The following ASB4 variants were observed in gnomAD, a reference collection of about 807,000 sequenced individuals.
The protein encoded by ASB4 is ankyrin repeat and SOCS box protein 4.
In ASB4, 35 loss-of-function variants were observed where a neutral mutation model predicts 38.6. That is an observed-to-expected ratio of 0.91 (90% confidence interval 0.69 to 1.20). The LOEUF is 1.20. Among genes scored for constraint, ASB4 ranks in the 50% most tolerant of loss-of-function variants. The pLI is 0.00. For missense variants in ASB4, 557 were observed against 527.2 expected, an observed-to-expected ratio of 1.06 and a Z score of -0.55; for synonymous variants, 195 against 201.3, an observed-to-expected ratio of 0.97 and a Z score of 0.26.
upstream of ASB4, among the ~76,000 whole-genome samples, chr7:95,484,072 A>C (rs1167410571): frequency 6.6e-6 from 1 of 151,622 alleles, no homozygotes; most frequent in East Asian, 1.9e-4. Flanking sequence ...TCATGGCTGT[A>C]ATCCCAGCGC....
upstream of ASB4, among the ~76,000 whole-genome samples, chr7:95,477,556 A>G (rs1244007384): frequency 6.6e-6 from 1 of 152,190 alleles, no homozygotes; most frequent in East Asian, 1.9e-4. Flanking sequence ...ATGCAAAACT[A>G]TAGAAAACTA....
chr7:95,500,158 G>C (rs370098195), intron 2 of ASB4, among the ~76,000 whole-genome samples: 2 of 152,222 alleles, frequency 1.3e-5, no homozygotes, highest in African/African-American at 4.8e-5. Flanking sequence ...AATGAGAGGA[G>C]AGCAGAAAGC....
chr7:95,472,159 A>G, the ASB4 span: 1 of 151,994 alleles, frequency 6.6e-6, no homozygotes, highest in Non-Finnish European at 1.5e-5. Flanking sequence ...TTATCTACCA[A>G]TGTGTGGGTG....
At chr7:95,534,199 G>A (rs1435297273) in intron 3 of ASB4, among the ~76,000 whole-genome samples, 1 of 152,100 alleles carries the variant, frequency 6.6e-6, no homozygotes, top group East Asian at 1.9e-4. Context: ...GCAAAAATTA[G>A]TCAGGAGTTG....
chr7:95,542,419 T>G (rs7788196), downstream of ASB4: 87,330 of 152,038 alleles, frequency 0.57, 27,118 homozygotes, highest in African/African-American at 0.82. Context: ...GGTTTTTTTT[T>G]TTGTTGTTGT....
the ASB4 span, among the ~76,000 whole-genome samples, chr7:95,549,301 A>ATT: frequency 4.4e-5 from 5 of 114,850 alleles, no homozygotes; most frequent in Non-Finnish European, 5.1e-5. Flanking sequence ...AGGAGACTCC[A>ATT]TTTTTTTTTT....
chr7:95,512,695 A>C (rs1200425572), intron 2 of ASB4, among the ~76,000 whole-genome samples: 3 of 152,194 alleles, frequency 2.0e-5, no homozygotes, highest in Middle Eastern at 3.2e-3. Context: ...GCCACAGAGC[A>C]GACTTTGGGT....
At chr7:95,546,459 G>A in the ASB4 span, among the ~76,000 whole-genome samples, 1 of 151,994 alleles carries the variant, frequency 6.6e-6, no homozygotes, top group Non-Finnish European at 1.5e-5. Flanking sequence ...TTGACTCATT[G>A]AACATATGCT....
In ASB4 at chr7:95,539,827, A is replaced by G. The variant is rs1205117665; in HGVS notation, c.*2068A>G. On this transcript the variant is annotated 3_prime_UTR_variant, in exon 5 of 5. Transcript: ENST00000325885. ...TGGGTGCACTAAAATCTCAAAATTC[A>G]CCACTAAAGAATGTATCCATGTAAC... 1 of 152,184 alleles carries G rather than the reference A, an allele frequency of 6.6e-6. No homozygotes were observed. The highest frequency in any genetic ancestry group is 6.6e-5 in the Admixed American group (1 of 15,266). 9.4% of individuals were successfully genotyped at this position (152,184 alleles called of 1,614,324 possible). A position where few individuals can be genotyped will look rare whatever the true frequency, so the allele number is the denominator to read the frequency against.
At chr7:95,488,546 G>GGTTA (rs1790125536) in intron 1 of ASB4, among the ~76,000 whole-genome samples, 1 of 152,154 alleles carries the variant, frequency 6.6e-6, no homozygotes, top group African/African-American at 2.4e-5. Flanking sequence ...AGTCTACAGT[G>GGTTA]GTTAGTTAGT....
intron 2 of ASB4, among the ~76,000 whole-genome samples, chr7:95,522,361 G>T (rs571041750): frequency 3.3e-5 from 5 of 151,846 alleles, no homozygotes; most frequent in Non-Finnish European, 7.4e-5. Context: ...CTATCAGTTC[G>T]AATATGTAGC....
At chr7:95,497,867 AC>A (rs1790274018) in intron 2 of ASB4, among the ~76,000 whole-genome samples, 1 of 152,168 alleles carries the variant, frequency 6.6e-6, no homozygotes, top group Non-Finnish European at 1.5e-5. Context: ...AATAAATTAG[AC>A]CTTTTTATTG....
At chr7:95,535,019 C>T (rs1476696576) in intron 3 of ASB4, among the ~76,000 whole-genome samples, 1 of 152,130 alleles carries the variant, frequency 6.6e-6, no homozygotes, top group Non-Finnish European at 1.5e-5. Context: ...CCAGGTTGGC[C>T]TCTTTACTGT....
intron 3 of ASB4, among the ~76,000 whole-genome samples, chr7:95,532,713 T>G (rs1790835780): frequency 6.6e-6 from 1 of 152,160 alleles, no homozygotes; most frequent in South Asian, 2.1e-4. Context: ...TTACCTTGAA[T>G]CTCTTTTTTA....
chr7:95,505,695 C>G (rs929067366), intron 2 of ASB4, among the ~76,000 whole-genome samples: 3 of 144,278 alleles, frequency 2.1e-5, no homozygotes, highest in East Asian at 2.3e-4. Flanking sequence ...GTCCCCCCCC[C>G]CCCAAATACT....
chr7:95,498,998 C>T (rs1790292273), intron 2 of ASB4, among the ~76,000 whole-genome samples: 1 of 152,066 alleles, frequency 6.6e-6, no homozygotes, highest in African/African-American at 2.4e-5. Context: ...TTCCATTGAC[C>T]TATATATCTT....
chr7:95,528,544 C>T, intron 3 of ASB4: 2 of 1,424,858 alleles, frequency 1.4e-6, no homozygotes, highest in Non-Finnish European at 1.8e-6. Context: ...ATTTGTTTTG[C>T]CTTGTGTGAA....
chr7:95,523,908 T>C (rs538076035), intron 2 of ASB4, among the ~76,000 whole-genome samples: 1 of 152,312 alleles, frequency 6.6e-6, no homozygotes, highest in East Asian at 1.9e-4. Flanking sequence ...CTAACTTCAT[T>C]GGTAATTAGG....
At chr7:95,519,330 A>ATT (rs1790628380) in intron 2 of ASB4, among the ~76,000 whole-genome samples, 1 of 152,250 alleles carries the variant, frequency 6.6e-6, no homozygotes, top group South Asian at 2.1e-4. Context: ...CCTGAATAGA[A>ATT]TAAAAGGGAT....
Sources: allele counts gnomAD v4.1 joint callset (sites outside exome capture counted in the v4.1 genomes callset), GRCh38; gene constraint gnomAD v4.1.1; transcripts MANE v1.5; gene names NCBI Gene and HGNC (gene_info 2026-07-23, HGNC 2026-07-21).